CELA1: variants seen among roughly 807,000 people sequenced by gnomAD.
CELA1 encodes chymotrypsin-like elastase family member 1.
CELA1 carries 28 observed loss-of-function variants against 34.8 expected under a neutral mutation model. The observed-to-expected ratio is 0.80, with a 90% CI of 0.60 to 1.10. The LOEUF (loss-of-function observed/expected upper bound fraction) is 1.10. CELA1 is among the 50% of genes least tolerant of loss of function. The pLI is 0.00. For synonymous variants in CELA1, 140 were observed against 129.8 expected (o/e 1.08, Z -0.53); for missense variants, 288 against 327.5 (o/e 0.88, Z 0.93).
intron 5 of CELA1, 124 bp downstream of exon 5, chr12:51,341,120 C>T (rs1480452444): frequency 6.4e-6 from 6 of 939,784 alleles, no homozygotes; most frequent in Non-Finnish European, 1.0e-5. Flanking sequence ...GTTATTGTAT[C>T]TATGGTTCTT....
At chr12:51,346,290 G>A (rs959044031) in intron 1 of CELA1, among the ~76,000 whole-genome samples, 6 of 151,036 alleles carry the variant, frequency 4.0e-5, no homozygotes, top group African/African-American at 1.5e-4. Context: ...CCAGGCACCT[G>A]CTGAGGAAGT....
chr12:51,334,704 G>A (rs979575214), intron 6 of CELA1, among the ~76,000 whole-genome samples: 2 of 152,204 alleles, frequency 1.3e-5, no homozygotes, highest in African/African-American at 2.4e-5. Context: ...AAAGTGCTGG[G>A]ATTACAGGCA....
intron 4 of CELA1, 35 bp downstream of exon 4, chr12:51,342,540 C>T (rs200749525): frequency 6.3e-5 from 101 of 1,613,564 alleles, no homozygotes; most frequent in Non-Finnish European, 7.3e-5. Context: ...CAGGCCTCAC[C>T]GCCCAGCCCA....
intron 2 of CELA1, among the ~76,000 whole-genome samples, chr12:51,344,540 A>T (rs1365694894): frequency 2.6e-5 from 4 of 151,738 alleles, no homozygotes; most frequent in African/African-American, 9.7e-5. Flanking sequence ...AAAATGCAAA[A>T]ATTAGTCGGG....
intron 3 of CELA1, among the ~76,000 whole-genome samples, chr12:51,343,166 CTCT>C (rs1946548045): frequency 6.6e-6 from 1 of 152,084 alleles, no homozygotes; most frequent in Non-Finnish European, 1.5e-5. Flanking sequence ...GAAATAATGG[CTCT>C]CAGCCACCAA....
At chr12:51,342,827 TAGAGATGGGG>T (rs1946545932) in intron 3 of CELA1, 127 bp from the exon 4 acceptor site, 7 of 890,542 alleles carry the variant, frequency 7.9e-6, no homozygotes, top group Non-Finnish European at 1.1e-5. Context: ...TTTTTTTTTT[TAGAGATGGGG>T]TTTTGCTGTG....
intron 6 of CELA1, 32 bp downstream of exon 6, chr12:51,339,828 G>T (rs778392060): frequency 1.3e-6 from 2 of 1,587,430 alleles, no homozygotes; most frequent in South Asian, 1.2e-5. Context: ...AGAGTGGCGG[G>T]ACCTGGGGTG....
At chr12:51,330,997 C>A in intron 6 of CELA1, among the ~76,000 whole-genome samples, 1 of 144,876 alleles carries the variant, frequency 6.9e-6, no homozygotes, top group African/African-American at 2.5e-5. Context: ...AGGAATTCAT[C>A]TAATATAAAA....
At chr12:51,332,280 G>A (rs1946474558) in intron 6 of CELA1, among the ~76,000 whole-genome samples, 1 of 151,792 alleles carries the variant, frequency 6.6e-6, no homozygotes, top group Non-Finnish European at 1.5e-5. Context: ...TATAATCATA[G>A]TAAATGCCGA....
At chr12:51,330,927 G>A (rs1344907045) in intron 6 of CELA1, among the ~76,000 whole-genome samples, 17 of 139,086 alleles carry the variant, frequency 1.2e-4, no homozygotes, top group African/African-American at 2.4e-4. Context: ...CCAAGATGGC[G>A]CCACTGGGCT....
In CELA1 at chr12:51,329,497, G is replaced by C. The variant is rs1285716573; in HGVS notation, c.759+187C>G. 2.6e-5 allele frequency among the ~76,000 whole-genome samples: 4 copies of C among 152,204 alleles called. No individual in the cohort carries two copies. The South Asian group carries it at 8.3e-4, about 32-fold the overall frequency. On this transcript the variant is annotated intron_variant, in intron 7 of 7. Coordinates refer to ENST00000293636, the MANE Select transcript of CELA1 (RefSeq NM_001971.6). The stretch of plus-strand genomic sequence containing the variant: ...GTCTGCTCTGTGGGTATGTGGAGGG[G>C]AGGGAATTCAGGATGGCAGCCTTAT...
In CELA1 at chr12:51,345,803, G is replaced by T; in HGVS notation, c.91C>A (p.Pro31Thr). 1 of 1,556,050 alleles carries T rather than the reference G, an allele frequency of 6.4e-7. No individual in the cohort carries two copies. Among genetic ancestry groups the T allele is most frequent in the Non-Finnish European group, 8.7e-7 (1 of 1,149,076 alleles). ...GGTEAGRNSW[P>T]SQISLQYRSG... ...TGGGAAGGAACACCCACCTGAGAGG[G>T]CCAGGAATTCCTCCCGGCCTCAGTC... Residue 31 changes from proline to threonine, a missense_variant, in exon 2 of 8, where the codon CCC becomes ACC. Transcript: ENST00000293636.
chr12:51,336,627 A>G (rs1157074227), intron 6 of CELA1, among the ~76,000 whole-genome samples: 1 of 152,186 alleles, frequency 6.6e-6, no homozygotes, highest in African/African-American at 2.4e-5. Context: ...ACTCCGTCTC[A>G]AACAAAACAA....
intron 6 of CELA1, among the ~76,000 whole-genome samples, chr12:51,330,128 A>G (rs1331806949): frequency 2.0e-5 from 3 of 152,202 alleles, no homozygotes; most frequent in Non-Finnish European, 4.4e-5. Flanking sequence ...AACTCTTACC[A>G]AGATCTTTCC....
At chr12:51,345,080 A>G (rs1407642251) in intron 2 of CELA1, among the ~76,000 whole-genome samples, 3 of 152,074 alleles carry the variant, frequency 2.0e-5, no homozygotes, top group Non-Finnish European at 2.9e-5. Flanking sequence ...AGCCGAGATC[A>G]TGCCATTGCA....
chr12:51,341,769 A>T (rs1331923522), intron 4 of CELA1, among the ~76,000 whole-genome samples: 1 of 141,084 alleles, frequency 7.1e-6, no homozygotes, highest in Non-Finnish European at 1.5e-5. Context: ...ACCCACCCCC[A>T]CCTGCACATG....
intron 5 of CELA1, among the ~76,000 whole-genome samples, chr12:51,340,388 C>CTTTTTTTTT (rs11315182): frequency 9.0e-5 from 11 of 121,548 alleles, no homozygotes; most frequent in Admixed American, 8.7e-5. Flanking sequence ...TTCTTTCTTT[C>CTTTTTTTTT]TTTTTTTTTT....
chr12:51,337,519 A>G (rs1946506829), intron 6 of CELA1, among the ~76,000 whole-genome samples: 1 of 134,366 alleles, frequency 7.4e-6, no homozygotes, highest in Non-Finnish European at 1.6e-5. Context: ...CCTGAGTGAC[A>G]GAGCAAGACC....
chr12:51,342,720 C>A lies in CELA1; in HGVS notation c.201-20G>T. 1 of 1,613,890 alleles carries A rather than the reference C, an allele frequency of 6.2e-7. No homozygotes were observed. The highest frequency in any genetic ancestry group is 8.5e-7 in the Non-Finnish European group (1 of 1,179,838). ...TTCTGGCTGGCGTGAGAGAAGGAAT[C>A]CCTGAGTCATCCAGGGGACTCAAAC... On this transcript the variant is annotated intron_variant, in intron 3 of 7. Transcript: ENST00000293636.
Sources: allele counts gnomAD v4.1 joint callset (sites outside exome capture counted in the v4.1 genomes callset), GRCh38; gene constraint gnomAD v4.1.1; transcripts MANE v1.5; gene names NCBI Gene and HGNC (gene_info 2026-07-23, HGNC 2026-07-21).